Variants in MTG2 observed in about 807,000 individuals in gnomAD.
The protein encoded by MTG2 is mitochondrial ribosome-associated GTPase 2.
Under a neutral mutation model 28.6 loss-of-function variants are expected in MTG2, and 23 were observed. The observed-to-expected ratio is 0.80, with a 90% CI of 0.58 to 1.14. The LOEUF is 1.14. Among genes scored for constraint, MTG2 ranks in the 50% most tolerant of loss-of-function variants. The pLI is 0.00. For missense variants in MTG2, 539 were observed against 552.0 expected (o/e 0.98, Z 0.24); for synonymous variants, 260 against 251.8 (o/e 1.03, Z -0.31).
rs2058163787 is a variant in MTG2 at position 62,201,130 on chromosome 20, G to A, written c.*53G>A. 3 of 1,498,910 alleles carry A rather than the reference G, an allele frequency of 2.0e-6. No homozygotes were observed. 92.9% of individuals were successfully genotyped at this position (1,498,910 alleles called of 1,614,324 possible). On this transcript the variant is annotated 3_prime_UTR_variant, in exon 7 of 7. Coordinates refer to ENST00000370823, the MANE Select transcript of MTG2 (RefSeq NM_015666.4). The stretch of plus-strand genomic sequence containing the variant: ...CCTCTGTCTGAGCAAACCTGGGTGT[G>A]AATTCGGTGGTTTTGAATGCATAAA...
intron 3 of MTG2, chr20:62,197,445 A>G (rs1194029468): frequency 6.5e-6 from 1 of 154,884 alleles, no homozygotes; most frequent in Non-Finnish European, 1.4e-5. Context: ...TTGTTTGTTT[A>G]ATTTCAGGAG....
intron 1 of MTG2, among the ~76,000 whole-genome samples, chr20:62,190,893 T>C (rs1447234214): frequency 6.6e-6 from 1 of 151,910 alleles, no homozygotes; most frequent in Non-Finnish European, 1.5e-5. Flanking sequence ...AAGGGGAGGG[T>C]GTCCCATGGA....
At chr20:62,186,538 T>TG (rs2057851699) in intron 1 of MTG2, among the ~76,000 whole-genome samples, 2 of 147,958 alleles carry the variant, frequency 1.4e-5, no homozygotes, top group African/African-American at 5.0e-5. Context: ...GTTTTTTTTT[T>TG]TTTTTTTTGA....
chr20:62,198,176 A>G lies in MTG2; in HGVS notation c.468+209A>G. On this transcript the variant is annotated intron_variant, in intron 4 of 6. Coordinates refer to ENST00000370823, the MANE Select transcript of MTG2 (RefSeq NM_015666.4). Reference sequence around the variant, plus strand: ...GGCATTTGTACCAGGGTCTCACACCATGTGCATGTCTAGTGAAAAAGTCAT... The same window carrying G: ...GGCATTTGTACCAGGGTCTCACACCGTGTGCATGTCTAGTGAAAAAGTCAT... 5.2e-6 allele frequency: 3 copies of G among 580,506 alleles called. No individual in the cohort carries two copies. The Admixed American group carries it at 9.2e-5, about 18-fold the overall frequency. The allele number at this position is 580,506 out of a possible 1,614,324, so 36.0% of individuals were successfully genotyped here. A position where few individuals can be genotyped will look rare whatever the true frequency, so the allele number is the denominator to read the frequency against.
chr20:62,183,495 T>G (rs1362071216), intron 1 of MTG2, among the ~76,000 whole-genome samples: 2 of 152,224 alleles, frequency 1.3e-5, no homozygotes, highest in Non-Finnish European at 2.9e-5. Flanking sequence ...AACATAAATA[T>G]ATACACATTT....
At chr20:62,199,030 A>T in intron 5 of MTG2, 89 bp from the exon 6 acceptor site, 2 of 1,586,694 alleles carry the variant, frequency 1.3e-6, no homozygotes, top group Non-Finnish European at 1.7e-6. Context: ...CAGCCCTGAA[A>T]TCCTCCCTCC....
chr20:62,196,686 A>G (rs2058065224), intron 3 of MTG2, among the ~76,000 whole-genome samples: 1 of 151,628 alleles, frequency 6.6e-6, no homozygotes, highest in African/African-American at 2.4e-5. Context: ...ACAAAACAAA[A>G]CAAACAAACA....
intron 3 of MTG2, among the ~76,000 whole-genome samples, chr20:62,196,580 G>A (rs913183118): frequency 6.6e-6 from 1 of 151,966 alleles, no homozygotes; most frequent in African/African-American, 2.4e-5. Flanking sequence ...TGAAGCAGGA[G>A]GATGGCTTGA....
intron 1 of MTG2, among the ~76,000 whole-genome samples, chr20:62,191,000 G>T (rs981267479): frequency 6.6e-6 from 1 of 152,098 alleles, no homozygotes. Context: ...AGCTGAGGGC[G>T]GGTCACAGCA....
Position 62,193,494 on chromosome 20 carries a change from C to T in MTG2, c.74C>T (p.Thr25Ile). ...GGCGTGGGGCATTGGGCTTTGTCCA[C>T]ATGGGCTGGCCTGAAGCCCAGCCGG... Reference protein sequence around the residue: ...FQGVGHWALSTWAGLKPSRLL... With the variant: ...FQGVGHWALSIWAGLKPSRLL... The change falls in exon 2 of 7, where the codon ACA becomes ATA. Residue 25 changes from threonine (T) to isoleucine (I), a missense_variant. Thr to Ile is a moderately conservative substitution (Grantham distance 89). Coordinates refer to ENST00000370823, the MANE Select transcript of MTG2 (RefSeq NM_015666.4). 6.2e-7 allele frequency: 1 copy of T among 1,614,192 alleles called. No individual in the cohort carries two copies. The highest frequency in any genetic ancestry group is 8.5e-7 in the Non-Finnish European group (1 of 1,180,040).
At chr20:62,192,698 G>A (rs1354343544) in intron 1 of MTG2, among the ~76,000 whole-genome samples, 1 of 152,098 alleles carries the variant, frequency 6.6e-6, no homozygotes, top group Non-Finnish European at 1.5e-5. Flanking sequence ...CCTGTCACCT[G>A]GGAAGTCCAA....
chr20:62,203,149 C>T lies in MTG2; in HGVS notation c.*2072C>T, dbSNP rs573533011. The T allele has an allele frequency of 2.0e-5, 3 of 152,356 alleles. No individual in the cohort carries two copies. In the East Asian group the frequency reaches 5.8e-4, roughly 29 times the overall value. 9.4% of individuals were successfully genotyped at this position (152,356 alleles called of 1,614,324 possible). On this transcript the variant is annotated 3_prime_UTR_variant, in exon 7 of 7. Transcript: ENST00000370823. ...GGCGTTAATTATCCCTGGCTTTCAT[C>T]TTGATGCTCTTGCAGGGGAGGCTCA...
At chr20:62,183,634 G>A (rs1469436626) in intron 1 of MTG2, among the ~76,000 whole-genome samples, 1 of 152,118 alleles carries the variant, frequency 6.6e-6, no homozygotes, top group East Asian at 1.9e-4. Flanking sequence ...TCCCATTTAC[G>A]TTCTCGTAGC....
In MTG2 at chr20:62,202,802, G is replaced by C. The variant is rs1486845111; in HGVS notation, c.*1725G>C. 6.6e-6 allele frequency: 1 copy of C among 152,286 alleles called. No homozygotes were observed. Among genetic ancestry groups the C allele is most frequent in the East Asian group, 1.9e-4 (1 of 5,174 alleles). The allele number at this position is 152,286 out of a possible 1,614,324, so 9.4% of individuals were successfully genotyped here. On this transcript the variant is annotated 3_prime_UTR_variant, in exon 7 of 7. Transcript: ENST00000370823. ...ACAAAGAAGCAGAGAAGGATGATCA[G>C]AAGGGGACCCCCAGCCCTTGGAGGA... is the stretch of plus-strand genomic sequence containing the variant.
In MTG2 at chr20:62,198,640, G is replaced by A. The variant is rs142043457; in HGVS notation, c.475G>A (p.Val159Met). The change falls in exon 5 of 7, where the codon GTG (valine) becomes ATG (methionine). Residue 159 changes from valine to methionine, a missense_variant. Transcript: ENST00000370823. ...AGTGCCTGCTGTTCCCCAGGTCCCC[G>A]TGGGCACGCTGGTGAAGGAGGGAGG... ...SGAVLYIRVP[V>M]GTLVKEGGRV... 1.2e-4 allele frequency: 186 copies of A among 1,613,630 alleles called. No individual in the cohort carries two copies. The African/African-American group carries it at 1.4e-3, about 12-fold the overall frequency.
At chr20:62,189,603 C>G (rs1354385682) in intron 1 of MTG2, among the ~76,000 whole-genome samples, 1 of 151,714 alleles carries the variant, frequency 6.6e-6, no homozygotes, top group Non-Finnish European at 1.5e-5. Flanking sequence ...CTGTGCCCAG[C>G]TAGCTCTTTT....
chr20:62,189,536 T>C (rs1192569981), intron 1 of MTG2, among the ~76,000 whole-genome samples: 1 of 151,692 alleles, frequency 6.6e-6, no homozygotes, highest in African/African-American at 2.4e-5. Flanking sequence ...AACTCATGGC[T>C]TCAAGAGATC....
chr20:62,195,132 C>T (rs1485336374), intron 2 of MTG2, among the ~76,000 whole-genome samples: 1 of 151,918 alleles, frequency 6.6e-6, no homozygotes, highest in Non-Finnish European at 1.5e-5. Context: ...GGAGGCAGAG[C>T]TTGCAGTGAG....
intron 1 of MTG2, among the ~76,000 whole-genome samples, chr20:62,192,825 T>C (rs1045448466): frequency 2.6e-5 from 4 of 152,220 alleles, no homozygotes; most frequent in African/African-American, 9.6e-5. Context: ...GTTCTTCTCA[T>C]TCTATCGGTG....
Sources: allele counts gnomAD v4.1 joint callset (sites outside exome capture counted in the v4.1 genomes callset), GRCh38; gene constraint gnomAD v4.1.1; transcripts MANE v1.5; gene names NCBI Gene and HGNC (gene_info 2026-07-23, HGNC 2026-07-21).